TNPO3: variants seen among roughly 807,000 people sequenced by gnomAD.
TNPO3 encodes transportin-3.
TNPO3 carries 65 observed loss-of-function variants against 122.8 expected under a neutral mutation model. The ratio of observed to expected loss-of-function variants is 0.53; its 90% CI spans 0.43 to 0.65. TNPO3 has a LOEUF of 0.65. Ranked by LOEUF, TNPO3 falls within the 30% of genes least tolerant of loss-of-function variation. The pLI is 0.00. For missense variants in TNPO3, 850 were observed against 1,136.7 expected, an observed-to-expected ratio of 0.75 and a Z score of 3.63; for synonymous variants, 372 against 411.2, an observed-to-expected ratio of 0.90 and a Z score of 1.15.
intron 11 of TNPO3, among the ~76,000 whole-genome samples, chr7:128,988,415 C>T (rs929059287): frequency 2.0e-5 from 3 of 152,182 alleles, no homozygotes; most frequent in African/African-American, 7.2e-5. Context: ...CCTGTTTAGT[C>T]TAGGAATCAA....
chr7:129,052,353 C>G (rs1808884524), intron 1 of TNPO3, among the ~76,000 whole-genome samples: 1 of 152,200 alleles, frequency 6.6e-6, no homozygotes, highest in Admixed American at 6.5e-5. Flanking sequence ...AGGCAGCCAA[C>G]TCCATACTTT....
chr7:128,973,662 G>GGAGGCA (rs1365084678), intron 18 of TNPO3, among the ~76,000 whole-genome samples: 1 of 142,762 alleles, frequency 7.0e-6, no homozygotes, highest in Non-Finnish European at 1.5e-5. Context: ...CGTGAACCCA[G>GGAGGCA]GAGGCAGAGC....
intron 21 of TNPO3, among the ~76,000 whole-genome samples, chr7:128,964,615 G>A (rs543247561): frequency 1.2e-4 from 18 of 152,218 alleles, no homozygotes; most frequent in South Asian, 4.1e-4. Flanking sequence ...GATTACAGGC[G>A]TGAGCCACCG....
At chr7:129,036,185 C>T (rs1162349942) in intron 1 of TNPO3, among the ~76,000 whole-genome samples, 1 of 152,004 alleles carries the variant, frequency 6.6e-6, no homozygotes, top group African/African-American at 2.4e-5. Flanking sequence ...GAACTCCTGA[C>T]CTCATGATCC....
chr7:129,042,718 T>C (rs1040269756), intron 1 of TNPO3, among the ~76,000 whole-genome samples: 1 of 152,058 alleles, frequency 6.6e-6, no homozygotes, highest in Non-Finnish European at 1.5e-5. Flanking sequence ...AAAAATAAAC[T>C]GAGGGGCACA....
intron 1 of TNPO3, among the ~76,000 whole-genome samples, chr7:129,036,078 C>T (rs771746314): frequency 7.9e-5 from 12 of 151,426 alleles, no homozygotes; most frequent in Non-Finnish European, 1.3e-4. Context: ...CTCAGCCTCC[C>T]GAGTAGCTGG....
chr7:129,028,277 T>C (rs550935221), intron 1 of TNPO3, among the ~76,000 whole-genome samples: 4 of 152,234 alleles, frequency 2.6e-5, no homozygotes, highest in South Asian at 2.1e-4. Context: ...TGAACTAGTA[T>C]AAAATCTAGT....
rs1053004080 is a variant in TNPO3 at position 128,954,584 on chromosome 7, C to T, written c.*833G>A. 1 of 127,792 alleles carries T rather than the reference C, an allele frequency of 7.8e-6. No homozygotes were observed. The highest frequency in any genetic ancestry group is 1.6e-5 in the Non-Finnish European group (1 of 63,630). 7.9% of individuals were successfully genotyped at this position (127,792 alleles called of 1,614,324 possible). A position where few individuals can be genotyped will look rare whatever the true frequency, so the allele number is the denominator to read the frequency against. On this transcript the variant is annotated 3_prime_UTR_variant, in exon 23 of 23. Coordinates refer to ENST00000265388, the MANE Select transcript of TNPO3 (RefSeq NM_012470.4). ...TTTTGGCTCTTCTCTCCAAGGCAGA[C>T]AACAAACTGATGTGGATTGGAAGTG...
chr7:128,982,068 A>G (rs759877190), intron 14 of TNPO3, among the ~76,000 whole-genome samples, 180 bp downstream of exon 14: 3 of 152,178 alleles, frequency 2.0e-5, no homozygotes, highest in African/African-American at 4.8e-5. Context: ...AAGACCTACC[A>G]GGAATGAATT....
rs1380776795 is a variant in TNPO3, at chr7:128,957,313, G to C, written c.2714C>G (p.Ala905Gly). The change falls in exon 22 of 23, where the codon GCT (alanine) becomes GGT (glycine). Residue 905 changes from alanine (A) to glycine (G), a missense_variant and splice_region_variant. Coordinates refer to ENST00000265388, the MANE Select transcript of TNPO3 (RefSeq NM_012470.4). ...CCAGCAAACTTGTTTACATTCCTCA[G>C]CACTAGAAAAGAAAAGGTAGGTTGG... ...LTDFHKQVTSAEECKQVCWAL... is the reference protein window; with the variant it reads ...LTDFHKQVTSGEECKQVCWAL... 1.2e-6 allele frequency: 2 copies of C among 1,614,132 alleles called. No individual in the cohort carries two copies. The highest frequency in any genetic ancestry group is 1.3e-5 in the African/African-American group (1 of 75,040).
intron 1 of TNPO3, among the ~76,000 whole-genome samples, chr7:129,023,283 G>T (rs1373569218): frequency 1.3e-5 from 2 of 151,656 alleles, no homozygotes; most frequent in African/African-American, 4.8e-5. Flanking sequence ...AATTCATGAG[G>T]TATTTTACCT....
Position 128,965,976 on chromosome 7 carries a change from A to C in TNPO3, c.2711+1304T>G, listed in dbSNP as rs116363492. Among the ~76,000 whole-genome samples the C allele has an allele frequency of 5.4e-3, 817 of 152,338 alleles. 7 individuals are homozygous for C. Among genetic ancestry groups the C allele is most frequent in the African/African-American group, 0.019 (789 of 41,572 alleles). On this transcript the variant is annotated intron_variant, in intron 21 of 22. Transcript: ENST00000265388. ...TAATGGGTATAGTTTTAGTTTTACA[A>C]GATGAAAAAGTTCTTGAGATTGGTT...
At chr7:129,040,542 GA>G (rs1274559991) in intron 1 of TNPO3, among the ~76,000 whole-genome samples, 2 of 152,000 alleles carry the variant, frequency 1.3e-5, no homozygotes, top group African/African-American at 2.4e-5. Context: ...ATACATATAA[GA>G]AAAAAATTGA....
intron 19 of TNPO3, chr7:128,971,099 A>AT: frequency 7.3e-6 from 1 of 137,226 alleles, no homozygotes; most frequent in East Asian, 2.1e-4. Context: ...CAGAGATCTA[A>AT]TTTTTTCTAT....
rs773093935 is a variant in TNPO3 at position 129,001,234 on chromosome 7, G to A, written c.697C>T (p.Gln233Ter). Residue 233 changes from glutamine to a stop codon, truncating the protein, a stop_gained and splice_region_variant, in exon 6 of 23, where the codon CAA becomes TAA. Coordinates refer to ENST00000265388, the MANE Select transcript of TNPO3 (RefSeq NM_012470.4). LOFTEE classifies it high-confidence loss of function. ...KLLALLFEVLQQDKTSSNLHE... is the reference protein window; with the variant it reads ...KLLALLFEVL Reference sequence around the variant, plus strand: ...AGGTTAGACGAGGTCTTATCCTGTTGCTGGGGAGGTAGCAGGAATAGGGAA... The same window carrying A: ...AGGTTAGACGAGGTCTTATCCTGTTACTGGGGAGGTAGCAGGAATAGGGAA... 1 of 1,596,544 alleles carries A rather than the reference G, an allele frequency of 6.3e-7. No individual in the cohort carries two copies. The highest frequency in any genetic ancestry group is 8.6e-7 in the Non-Finnish European group (1 of 1,166,502).
chr7:129,025,514 G>A (rs1303313455), intron 1 of TNPO3, among the ~76,000 whole-genome samples: 1 of 151,946 alleles, frequency 6.6e-6, no homozygotes, highest in Non-Finnish European at 1.5e-5. Flanking sequence ...AGGGAGGGAA[G>A]CGGTTATGTC....
At chr7:129,034,159 T>C (rs1806285322) in intron 1 of TNPO3, among the ~76,000 whole-genome samples, 1 of 152,232 alleles carries the variant, frequency 6.6e-6, no homozygotes, top group Non-Finnish European at 1.5e-5. Flanking sequence ...AAAATACACT[T>C]ATCACTAAAA....
intron 4 of TNPO3, among the ~76,000 whole-genome samples, chr7:129,008,048 C>T (rs1223858044): frequency 6.6e-6 from 1 of 151,998 alleles, no homozygotes; most frequent in Non-Finnish European, 1.5e-5. Context: ...ACTCAGGAGG[C>T]TGGGGCAGGA....
intron 12 of TNPO3, among the ~76,000 whole-genome samples, 155 bp downstream of exon 12, chr7:128,986,574 A>C (rs569605515): frequency 2.6e-5 from 4 of 152,328 alleles, no homozygotes; most frequent in Non-Finnish European, 4.4e-5. Flanking sequence ...CATATAGTCA[A>C]CACTATCCCC....
Sources: allele counts gnomAD v4.1 joint callset (sites outside exome capture counted in the v4.1 genomes callset), GRCh38; gene constraint gnomAD v4.1.1; transcripts MANE v1.5; gene names NCBI Gene and HGNC (gene_info 2026-07-23, HGNC 2026-07-21).